Variants in FGD5 observed in about 807,000 individuals in gnomAD.
FGD5 encodes FYVE, RhoGEF and PH domain containing 5.
In FGD5, 28 loss-of-function variants were observed where a neutral mutation model predicts 133.4. The ratio of observed to expected loss-of-function variants is 0.21; its 90% CI spans 0.16 to 0.29. The LOEUF (loss-of-function observed/expected upper bound fraction) is 0.29. Ranked by LOEUF, FGD5 falls within the 10% of genes least tolerant of loss-of-function variation. The pLI, the probability that FGD5 is intolerant of heterozygous loss-of-function variation, is 1.00. For missense variants in FGD5, 1,858 were observed against 1,895.2 expected, an observed-to-expected ratio of 0.98 and a Z score of 0.36; for synonymous variants, 810 against 776.5, an observed-to-expected ratio of 1.04 and a Z score of -0.72.
intron 11 of FGD5, among the ~76,000 whole-genome samples, chr3:14,915,985 G>A (rs778739950): frequency 6.6e-6 from 1 of 152,218 alleles, no homozygotes; most frequent in Non-Finnish European, 1.5e-5. Flanking sequence ...ATTGCCATGT[G>A]GAGAGGGCTT....
chr3:14,840,971 A>G (rs2036910330), intron 1 of FGD5, among the ~76,000 whole-genome samples: 1 of 152,260 alleles, frequency 6.6e-6, no homozygotes, highest in African/African-American at 2.4e-5. Context: ...CTCAGCAGAC[A>G]CAGCAGTAGC....
chr3:14,875,600 A>G (rs2037702111), intron 2 of FGD5, among the ~76,000 whole-genome samples: 1 of 152,076 alleles, frequency 6.6e-6, no homozygotes, highest in Non-Finnish European at 1.5e-5. Flanking sequence ...CTCTGCAGCC[A>G]CTCAAGGGTG....
At chr3:14,876,908 AC>A (rs1243336599) in intron 2 of FGD5, among the ~76,000 whole-genome samples, 1 of 152,062 alleles carries the variant, frequency 6.6e-6, no homozygotes, top group Admixed American at 6.6e-5. Flanking sequence ...GGTTCCCTGG[AC>A]CCCTCCCGAC....
In FGD5 at chr3:14,921,812, A is replaced by C. The variant is rs140177487; in HGVS notation, c.3570-106A>C. On this transcript the variant is annotated intron_variant, in intron 13 of 19. Coordinates refer to ENST00000285046, the MANE Select transcript of FGD5 (RefSeq NM_152536.4). ...TGCTGGTGGTTCTGGGCAGTGTGAG[A>C]GGTGCAGGCTCAAGGGGCATCTGAG... 1.1e-4 allele frequency: 115 copies of C among 1,014,244 alleles called. 1 individual carries two copies. In the Middle Eastern group the frequency reaches 2.6e-3, roughly 23 times the overall value. The allele number at this position is 1,014,244 out of a possible 1,614,324, so 62.8% of individuals were successfully genotyped here. A position where few individuals can be genotyped will look rare whatever the true frequency, so the allele number is the denominator to read the frequency against.
intron 9 of FGD5, among the ~76,000 whole-genome samples, chr3:14,904,505 G>GGTGT (rs55744974): frequency 4.6e-5 from 7 of 150,952 alleles, no homozygotes; most frequent in African/African-American, 1.5e-4. Flanking sequence ...TAGATTTCAG[G>GGTGT]GTGTGTGTGT....
intron 4 of FGD5, among the ~76,000 whole-genome samples, chr3:14,893,158 A>C (rs1166320089): frequency 6.6e-6 from 1 of 152,204 alleles, no homozygotes; most frequent in Non-Finnish European, 1.5e-5. Context: ...AAATCTTTAT[A>C]AATTTTTATT....
At chr3:14,897,799 C>T (rs374685745) in intron 5 of FGD5, 130 bp downstream of exon 5, 6 of 1,452,266 alleles carry the variant, frequency 4.1e-6, no homozygotes, top group East Asian at 2.5e-5. Flanking sequence ...AGTGTTAAGT[C>T]ATTTGCTCAA....
Position 14,917,410 on chromosome 3 carries a change from C to T in FGD5, c.3489+78C>T. On this transcript the variant is annotated intron_variant, in intron 12 of 19. Transcript: ENST00000285046. The surrounding 1 kb of genome is among the most constrained non-coding windows in gnomAD (Gnocchi z 4.1). ...GGAGAAGGGGACAGCATCCTGCTCC[C>T]AGGAGCACCCAGACCAGCTGGAAGA... 1 of 1,309,454 alleles carries T rather than the reference C, an allele frequency of 7.6e-7. No homozygotes were observed. Among genetic ancestry groups the T allele is most frequent in the Non-Finnish European group, 1.1e-6 (1 of 931,422 alleles). 81.1% of individuals were successfully genotyped at this position (1,309,454 alleles called of 1,614,324 possible).
chr3:14,863,215 A>G (rs1196842346), intron 1 of FGD5, among the ~76,000 whole-genome samples: 1 of 152,212 alleles, frequency 6.6e-6, no homozygotes, highest in African/African-American at 2.4e-5. Context: ...TTGAGTAGGA[A>G]GAAAGGTTTG....
In FGD5 at chr3:14,820,591, C is replaced by T. The variant is rs756698241; in HGVS notation, c.1520C>T (p.Ser507Leu). The T allele has an allele frequency of 4.4e-6, 7 of 1,608,346 alleles. No homozygotes were observed. The highest frequency in any genetic ancestry group is 3.3e-5 in the South Asian group (3 of 90,276). The change falls in exon 1 of 20, where the codon TCG (serine) becomes TTG (leucine). Residue 507 changes from serine to leucine, a missense_variant. Physicochemically the swap from Ser to Leu is moderately radical, Grantham distance 145. Coordinates refer to ENST00000285046, the MANE Select transcript of FGD5 (RefSeq NM_152536.4). ...GAAGAAACCGGACCTGAGGCGGGCT[C>T]GTCAGCCCCTGGCATTGGAGGTGCC... ...VPEETGPEAG[S>L]SAPGIGGAAE...
At chr3:14,884,373 A>T (rs945044177) in intron 4 of FGD5, among the ~76,000 whole-genome samples, 51 of 152,188 alleles carry the variant, frequency 3.4e-4, no homozygotes, top group Non-Finnish European at 8.8e-5. Context: ...CAGGAGGCCC[A>T]CATGACCTGG....
intron 4 of FGD5, among the ~76,000 whole-genome samples, chr3:14,891,103 G>A (rs914098929): frequency 6.6e-6 from 1 of 152,206 alleles, no homozygotes; most frequent in Non-Finnish European, 1.5e-5. Context: ...CAGTATACAG[G>A]GCTGTTTTTC....
At chr3:14,815,780 C>T (rs2036359142), upstream of FGD5, among the ~76,000 whole-genome samples, 2 of 152,026 alleles carry the variant, frequency 1.3e-5, no homozygotes, top group South Asian at 2.1e-4. Flanking sequence ...AGGAAACACT[C>T]TGTGGCAAAA....
At chr3:14,914,491 G>T (rs1438077332) in intron 11 of FGD5, among the ~76,000 whole-genome samples, 1 of 152,224 alleles carries the variant, frequency 6.6e-6, no homozygotes, top group Non-Finnish European at 1.5e-5. Context: ...GCCTGGTCCC[G>T]AAAGGCGAAG....
At chr3:14,885,761 A>G (rs887575410) in intron 4 of FGD5, among the ~76,000 whole-genome samples, 6 of 152,294 alleles carry the variant, frequency 3.9e-5, no homozygotes, top group South Asian at 4.1e-4. Flanking sequence ...GTCCTATAGC[A>G]CCACTTCCAC....
At chr3:14,822,438 G>T (rs2036522607) in intron 1 of FGD5, among the ~76,000 whole-genome samples, 1 of 151,276 alleles carries the variant, frequency 6.6e-6, no homozygotes, top group African/African-American at 2.4e-5. Context: ...AGCTGATGGT[G>T]CCCTGAGCTA....
rs190013435 is a variant in FGD5, at chr3:14,904,746, G to A, written c.3265-2894G>A. Among the ~76,000 whole-genome samples, 147 of 152,274 alleles carry A rather than the reference G, an allele frequency of 9.7e-4. 4 individuals carry two copies. Among genetic ancestry groups the A allele is most frequent in the Admixed American group, 8.8e-3 (134 of 15,298 alleles). ...CTTAGCTGACAGCAAAGAAATATAT[G>A]TGTATACCAGCTTTTGCATATACCC... On this transcript the variant is annotated intron_variant, in intron 9 of 19. Coordinates refer to ENST00000285046, the MANE Select transcript of FGD5 (RefSeq NM_152536.4).
At position 14,828,152 on chromosome 3, in the gene FGD5, A is replaced by C. The variant is rs537290673; in HGVS notation, c.2525+6556A>C. On this transcript the variant is annotated intron_variant, in intron 1 of 19. Coordinates refer to ENST00000285046, the MANE Select transcript of FGD5 (RefSeq NM_152536.4). ...GTGTGGAAGGAGAGAGAGGGGGACC[A>C]GGTACCACTGCTGGCCTCAGTGGAC... Among the ~76,000 whole-genome samples the C allele has an allele frequency of 1.2e-4, 18 of 152,286 alleles. No homozygotes were observed. The South Asian group carries it at 3.7e-3, about 32-fold the overall frequency.
At chr3:14,907,539 C>A (rs1246284780) in intron 9 of FGD5, 101 bp from the exon 10 acceptor site, 1 of 1,130,574 alleles carries the variant, frequency 8.8e-7, no homozygotes, top group Non-Finnish European at 1.3e-6. Flanking sequence ...TTCCGGGCTT[C>A]ATTTTTGTCT....
Sources: allele counts gnomAD v4.1 joint callset (sites outside exome capture counted in the v4.1 genomes callset), GRCh38; gene constraint gnomAD v4.1.1; non-coding constraint Gnocchi (gnomAD v3.1); transcripts MANE v1.5; gene names NCBI Gene and HGNC (gene_info 2026-07-23, HGNC 2026-07-21).